The following PDGFD variants were observed in gnomAD, a reference collection of about 807,000 sequenced individuals.
The protein encoded by PDGFD is platelet-derived growth factor D.
In PDGFD, 30 loss-of-function variants were observed where a neutral mutation model predicts 44.7. The observed-to-expected ratio is 0.67, with a 90% CI of 0.50 to 0.91. The LOEUF (loss-of-function observed/expected upper bound fraction) is 0.91. Ranked by LOEUF, PDGFD falls within the 40% of genes least tolerant of loss-of-function variation. The pLI is 0.00. For synonymous variants in PDGFD, 173 were observed against 168.4 expected, an observed-to-expected ratio of 1.03 and a Z score of -0.21; for missense variants, 445 against 457.8, an observed-to-expected ratio of 0.97 and a Z score of 0.25.
chr11:103,982,369 T>C (rs1161309295), intron 3 of PDGFD, among the ~76,000 whole-genome samples: 1 of 151,812 alleles, frequency 6.6e-6, no homozygotes, highest in Non-Finnish European at 1.5e-5. Context: ...CTGAGCGCAA[T>C]GCACAGTAAT....
At chr11:104,027,719 A>C (rs139433128) in intron 1 of PDGFD, among the ~76,000 whole-genome samples, 16 of 152,368 alleles carry the variant, frequency 1.1e-4, no homozygotes, top group African/African-American at 3.8e-4. Context: ...GCAGATATAG[A>C]ATACTGTCCT....
chr11:103,953,312 C>T (rs1013587040), intron 3 of PDGFD, among the ~76,000 whole-genome samples: 1 of 151,966 alleles, frequency 6.6e-6, no homozygotes, highest in Non-Finnish European at 1.5e-5. Context: ...AAACAGTTAA[C>T]ATCCTTAAAA....
At chr11:103,989,538 T>A (rs1211677978) in intron 3 of PDGFD, among the ~76,000 whole-genome samples, 2 of 152,202 alleles carry the variant, frequency 1.3e-5, no homozygotes, top group African/African-American at 4.8e-5. Flanking sequence ...CAGTACATAA[T>A]GAAAACTTTA....
intron 1 of PDGFD, among the ~76,000 whole-genome samples, chr11:104,092,461 C>T (rs1202359808): frequency 6.6e-6 from 1 of 152,254 alleles, no homozygotes; most frequent in East Asian, 1.9e-4. Context: ...TCTCTACATA[C>T]AACAATAGCA....
chr11:103,913,753 C>G (rs1007640407), intron 6 of PDGFD, among the ~76,000 whole-genome samples: 2 of 151,960 alleles, frequency 1.3e-5, no homozygotes, highest in East Asian at 1.9e-4. Context: ...GACCACTAGA[C>G]AGACTAATAA....
chr11:103,972,205 G>A (rs558834239), intron 3 of PDGFD, among the ~76,000 whole-genome samples: 1 of 152,176 alleles, frequency 6.6e-6, no homozygotes, highest in Non-Finnish European at 1.5e-5. Context: ...TGCTAGAGTT[G>A]GGGATGGGTG....
At chr11:104,073,611 C>A (rs1395257878) in intron 1 of PDGFD, among the ~76,000 whole-genome samples, 1 of 152,136 alleles carries the variant, frequency 6.6e-6, no homozygotes, top group Non-Finnish European at 1.5e-5. Flanking sequence ...TAATTGGTGT[C>A]ATTCCTTAAT....
chr11:103,937,517 A>G (rs1591084299), intron 5 of PDGFD, among the ~76,000 whole-genome samples: 1 of 152,094 alleles, frequency 6.6e-6, no homozygotes, highest in East Asian at 1.9e-4. Context: ...CCTTAAATTC[A>G]TAGGTATATG....
At chr11:104,007,458 A>G (rs1047571773) in intron 1 of PDGFD, among the ~76,000 whole-genome samples, 1 of 152,252 alleles carries the variant, frequency 6.6e-6, no homozygotes, top group Admixed American at 6.5e-5. Flanking sequence ...AATATTATAC[A>G]TGACAACATA....
Position 104,145,157 on chromosome 11 carries a change from C to A in PDGFD, c.124+18647G>T, listed in dbSNP as rs148179663. Among the ~76,000 whole-genome samples, 966 of 152,218 alleles carry A rather than the reference C, an allele frequency of 6.3e-3. 5 individuals are homozygous for A. The highest frequency in any genetic ancestry group is 0.021 in the African/African-American group (885 of 41,544). The stretch of plus-strand genomic sequence containing the variant: ...TTGAGTAATCCCTACAAATACATAG[C>A]GAGCAAGTGGTAGGGGCTGGATTTC... On this transcript the variant is annotated intron_variant, in intron 1 of 6. Coordinates refer to ENST00000393158, the MANE Select transcript of PDGFD (RefSeq NM_025208.5).
chr11:104,121,469 T>C (rs1269408697), intron 1 of PDGFD, among the ~76,000 whole-genome samples: 1 of 152,054 alleles, frequency 6.6e-6, no homozygotes, highest in Non-Finnish European at 1.5e-5. Flanking sequence ...AACTACCTTT[T>C]AGTTAGTGAA....
chr11:103,999,681 T>A (rs2408814), intron 2 of PDGFD, among the ~76,000 whole-genome samples: 19,652 of 152,208 alleles, frequency 0.13, 1,394 homozygotes, highest in Middle Eastern at 0.17. Context: ...TTATGCTCCC[T>A]AAGCCCATGG....
At chr11:104,148,000 C>T (rs2119895509) in intron 1 of PDGFD, among the ~76,000 whole-genome samples, 3 of 152,262 alleles carry the variant, frequency 2.0e-5, no homozygotes, top group Middle Eastern at 6.8e-3. Context: ...CACAGTTTTT[C>T]CCATTCATGG....
At chr11:104,158,903 C>G (rs890493969) in intron 1 of PDGFD, among the ~76,000 whole-genome samples, 1 of 151,722 alleles carries the variant, frequency 6.6e-6, no homozygotes, top group African/African-American at 2.4e-5. Flanking sequence ...GCCTGTAATC[C>G]CAGCACTTTG....
intron 1 of PDGFD, among the ~76,000 whole-genome samples, chr11:104,131,953 G>C (rs1054845573): frequency 6.6e-6 from 1 of 151,288 alleles, no homozygotes; most frequent in Non-Finnish European, 1.5e-5. Flanking sequence ...TTGGATGTAT[G>C]TTCAGAGAAG....
chr11:104,145,291 CTA>C (rs1213771721), intron 1 of PDGFD, among the ~76,000 whole-genome samples: 1 of 152,118 alleles, frequency 6.6e-6, no homozygotes, highest in Admixed American at 6.5e-5. Flanking sequence ...AAACCGAATG[CTA>C]TGTTACGTCA....
At chr11:104,061,751 G>A (rs1860720756) in intron 1 of PDGFD, among the ~76,000 whole-genome samples, 1 of 152,134 alleles carries the variant, frequency 6.6e-6, no homozygotes, top group African/African-American at 2.4e-5. Flanking sequence ...GGGATTATAG[G>A]TGCATGCCAC....
rs1055921394 is a variant in PDGFD, at chr11:104,046,943, A to G, written c.125-46688T>C. On this transcript the variant is annotated intron_variant, in intron 1 of 6. Transcript: ENST00000393158. The stretch of plus-strand genomic sequence containing the variant: ...GTATGATGTTCCCCTCCCTGTGTCT[A>G]CATGTTCTCATTGTTCATCTCCCAC... 1.1e-4 allele frequency among the ~76,000 whole-genome samples: 16 copies of G among 145,390 alleles called. 3 individuals carry two copies. Among genetic ancestry groups the G allele is most frequent in the Admixed American group, 4.1e-4 (6 of 14,484 alleles).
intron 6 of PDGFD, among the ~76,000 whole-genome samples, chr11:103,918,073 T>A (rs1285897743): frequency 6.6e-6 from 1 of 152,224 alleles, no homozygotes; most frequent in Non-Finnish European, 1.5e-5. Context: ...GAGATCTGTT[T>A]GTAGAAAAAC....
Sources: gnomAD v4.1 joint callset for allele counts (sites outside exome capture counted in the v4.1 genomes callset) on GRCh38, gnomAD v4.1.1 for gene constraint, MANE v1.5 for transcripts, NCBI Gene and HGNC (gene_info 2026-07-23, HGNC 2026-07-21) for gene names.